The following PLCB1 variants were observed in gnomAD, a reference collection of about 807,000 sequenced individuals.
PLCB1 encodes 1-phosphatidylinositol 4,5-bisphosphate phosphodiesterase beta-1.
A neutral mutation model predicts 161.8 loss-of-function variants in PLCB1; 46 were observed. That is an observed-to-expected ratio of 0.28 (90% confidence interval 0.22 to 0.36). PLCB1 has a LOEUF of 0.36. PLCB1 is among the 10% of genes least tolerant of loss of function. The pLI is 1.00. For synonymous variants in PLCB1, 517 were observed against 503.7 expected (o/e 1.03, Z -0.35); for missense variants, 1,016 against 1,472.5 (o/e 0.69, Z 5.07).
chr20:8,462,798 C>T (rs959654338), intron 3 of PLCB1, among the ~76,000 whole-genome samples: 5 of 152,054 alleles, frequency 3.3e-5, no homozygotes, highest in Non-Finnish European at 7.4e-5. Flanking sequence ...CCCTTGCTTT[C>T]CTCCACAATA....
At chr20:8,234,318 C>T (rs1980215251) in intron 2 of PLCB1, among the ~76,000 whole-genome samples, 1 of 152,082 alleles carries the variant, frequency 6.6e-6, no homozygotes. Context: ...ATAACAACAA[C>T]AATAATAAAA....
chr20:8,507,771 A>G (rs191079788), intron 3 of PLCB1, among the ~76,000 whole-genome samples: 6 of 147,268 alleles, frequency 4.1e-5, no homozygotes, highest in Admixed American at 3.4e-4. Context: ...AATTATAAAG[A>G]AGATAAGAAC....
chr20:8,477,886 G>A (rs1324942270), intron 3 of PLCB1, among the ~76,000 whole-genome samples: 2 of 152,304 alleles, frequency 1.3e-5, no homozygotes, highest in South Asian at 4.1e-4. Context: ...CTTAACGTTT[G>A]GATGGGACAC....
At chr20:8,537,876 G>T (rs1985116136) in intron 3 of PLCB1, among the ~76,000 whole-genome samples, 1 of 152,138 alleles carries the variant, frequency 6.6e-6, no homozygotes, top group African/African-American at 2.4e-5. Context: ...AATTTTTTGA[G>T]AAAAGATACA....
chr20:8,330,108 A>G (rs1600319839), intron 2 of PLCB1, among the ~76,000 whole-genome samples: 1 of 152,168 alleles, frequency 6.6e-6, no homozygotes, highest in East Asian at 1.9e-4. Flanking sequence ...AAAATGTAGG[A>G]CAAAACCATG....
At chr20:8,641,690 G>A (rs2123265641) in intron 4 of PLCB1, among the ~76,000 whole-genome samples, 1 of 152,292 alleles carries the variant, frequency 6.6e-6, no homozygotes, top group East Asian at 1.9e-4. Context: ...TCTTGTTACT[G>A]AAAATGGAGG....
intron 3 of PLCB1, among the ~76,000 whole-genome samples, chr20:8,431,342 C>T (rs1376703411): frequency 6.6e-6 from 1 of 152,192 alleles, no homozygotes; most frequent in East Asian, 1.9e-4. Context: ...CACTGTAAGG[C>T]TGTTTCCCTG....
chr20:8,763,103 T>C (rs1027752096), intron 25 of PLCB1, among the ~76,000 whole-genome samples: 2 of 152,174 alleles, frequency 1.3e-5, no homozygotes, highest in Non-Finnish European at 2.9e-5. Flanking sequence ...CCAACCATCA[T>C]ACCCCACCAA....
At chr20:8,794,652 G>A (rs1983930018) in intron 31 of PLCB1, among the ~76,000 whole-genome samples, 1 of 152,100 alleles carries the variant, frequency 6.6e-6, no homozygotes, top group Non-Finnish European at 1.5e-5. Context: ...TGTGTTTCAT[G>A]TTCCTAATCT....
intron 2 of PLCB1, among the ~76,000 whole-genome samples, chr20:8,269,908 G>T (rs190930762): frequency 1.3e-5 from 2 of 150,100 alleles, no homozygotes; most frequent in Admixed American, 1.3e-4. Flanking sequence ...AAAAAAAAAA[G>T]CCTGGCTAAC....
chr20:8,178,463 C>T (rs925737530), intron 2 of PLCB1, among the ~76,000 whole-genome samples: 3 of 152,162 alleles, frequency 2.0e-5, no homozygotes, highest in Non-Finnish European at 4.4e-5. Flanking sequence ...AGTCTCTGTT[C>T]ATGTCCTCTG....
At chr20:8,642,638 A>C (rs1282277846) in intron 4 of PLCB1, among the ~76,000 whole-genome samples, 2 of 152,256 alleles carry the variant, frequency 1.3e-5, no homozygotes, top group African/African-American at 4.8e-5. Context: ...TCTCACCAAT[A>C]TTAAAATATC....
At chr20:8,617,176 A>C (rs1401339683) in intron 3 of PLCB1, among the ~76,000 whole-genome samples, 1 of 152,210 alleles carries the variant, frequency 6.6e-6, no homozygotes, top group African/African-American at 2.4e-5. Context: ...CTGTAAATGT[A>C]ACTGGCAGTG....
intron 3 of PLCB1, among the ~76,000 whole-genome samples, chr20:8,511,807 C>T (rs1168108268): frequency 1.3e-5 from 2 of 152,080 alleles, no homozygotes; most frequent in Non-Finnish European, 2.9e-5. Context: ...ACTGGTTGAC[C>T]ATTTGTATAT....
At chr20:8,795,870 C>A (rs1326866011) in intron 31 of PLCB1, among the ~76,000 whole-genome samples, 90 of 129,454 alleles carry the variant, frequency 7.0e-4, no homozygotes, top group African/African-American at 2.7e-3. Context: ...GTGAGACCAC[C>A]CTGTCTCAAA....
chr20:8,588,162 G>A (rs1987046397), intron 3 of PLCB1, among the ~76,000 whole-genome samples: 1 of 152,162 alleles, frequency 6.6e-6, no homozygotes. Context: ...GAATTATAGA[G>A]AAGTTCAAGT....
chr20:8,354,908 G>A lies in PLCB1; in HGVS notation c.178-16474G>A, dbSNP rs186389175. On this transcript the variant is annotated intron_variant, in intron 2 of 31. Coordinates refer to ENST00000338037, the MANE Select transcript of PLCB1 (RefSeq NM_015192.4). The stretch of plus-strand genomic sequence containing the variant: ...AGAATTTTTTCAGTAAGGCTGTAAC[G>A]TTTAAGTGAACTTAGCTGATCCTAC... 2.3e-4 allele frequency among the ~76,000 whole-genome samples: 35 copies of A among 152,274 alleles called. No homozygotes were observed. The East Asian group carries it at 6.2e-3, about 27-fold the overall frequency.
At chr20:8,755,284 C>A (rs1981682593) in intron 23 of PLCB1, among the ~76,000 whole-genome samples, 1 of 152,188 alleles carries the variant, frequency 6.6e-6, no homozygotes, top group Admixed American at 6.5e-5. Flanking sequence ...TCTTATCTTA[C>A]TTTTTATAAG....
chr20:8,434,591 C>T (rs769110600), intron 3 of PLCB1, among the ~76,000 whole-genome samples: 1 of 152,164 alleles, frequency 6.6e-6, no homozygotes, highest in Non-Finnish European at 1.5e-5. Context: ...CAATTCATAT[C>T]TGTATACCAA....
Sources: gnomAD v4.1 joint callset for allele counts (sites outside exome capture counted in the v4.1 genomes callset) on GRCh38, gnomAD v4.1.1 for gene constraint, MANE v1.5 for transcripts, NCBI Gene and HGNC (gene_info 2026-07-23, HGNC 2026-07-21) for gene names.